The following ANXA9 variants were observed in gnomAD, a reference collection of about 807,000 sequenced individuals.
The protein encoded by ANXA9 is annexin 31.
In ANXA9, 47 loss-of-function variants were observed where a neutral mutation model predicts 51.8. That is an observed-to-expected ratio of 0.91 (90% CI 0.72 to 1.16). The LOEUF (loss-of-function observed/expected upper bound fraction) is 1.16, where lower values mean the gene tolerates loss of function less well. ANXA9 is among the 50% of genes most tolerant of loss of function. The pLI is 0.00. For synonymous variants in ANXA9, 154 were observed against 168.7 expected (o/e 0.91, Z 0.68); for missense variants, 361 against 424.7 (o/e 0.85, Z 1.32).
chr1:150,995,348 C>T lies in ANXA9; in HGVS notation c.*26C>T. ...GACTTCCCTGCCCCACCCCACATGA[C>T]ATCCGAGGATCTGAGATTTCCGTGT... On this transcript the variant is annotated 3_prime_UTR_variant, in exon 14 of 14. Transcript: ENST00000368947. The T allele has an allele frequency of 6.3e-7, 1 of 1,580,544 alleles. No homozygotes were observed. The highest frequency in any genetic ancestry group is 2.4e-5 in the East Asian group (1 of 42,522).
At chr1:150,985,431 C>T (rs1671529832) in intron 7 of ANXA9, among the ~76,000 whole-genome samples, 1 of 152,112 alleles carries the variant, frequency 6.6e-6, no homozygotes, top group East Asian at 1.9e-4. Flanking sequence ...TTTCATGTCC[C>T]TGATGGCTGG....
At chr1:150,993,633 CTTTTTTTT>C (rs35186445) in intron 12 of ANXA9, among the ~76,000 whole-genome samples, 16 of 104,188 alleles carry the variant, frequency 1.5e-4, no homozygotes, top group African/African-American at 3.1e-4. Flanking sequence ...TTCTTTCTTT[CTTTTTTTT>C]TTTTTTTTTT....
At chr1:150,979,387 CA>C (rs1218854993), upstream of ANXA9, among the ~76,000 whole-genome samples, 7 of 152,154 alleles carry the variant, frequency 4.6e-5, no homozygotes, top group South Asian at 2.1e-4. Context: ...AGCCGAGGGC[CA>C]GGGGGACCCC....
upstream of ANXA9, among the ~76,000 whole-genome samples, chr1:150,980,938 G>A (rs1317109013): frequency 6.6e-6 from 1 of 151,584 alleles, no homozygotes; most frequent in African/African-American, 2.4e-5. Context: ...ATAGTTTTTG[G>A]GGACAAGGTG....
rs1671508527 is a variant in ANXA9, at chr1:150,984,815, C to T, written c.472+139C>T. The T allele has an allele frequency of 4.7e-6, 3 of 643,146 alleles. No homozygotes were observed. In the Admixed American group the frequency reaches 8.9e-5, roughly 19 times the overall value. The allele number at this position is 643,146 out of a possible 1,614,324, so 39.8% of individuals were successfully genotyped here. A position where few individuals can be genotyped will look rare whatever the true frequency, so the allele number is the denominator to read the frequency against. ...TATTCCCTTGGGGTCTTTCCTCTTG[C>T]CCCCACCAGTGCCTCAGTCTCTCAG... is the stretch of plus-strand genomic sequence containing the variant. On this transcript the variant is annotated intron_variant, in intron 7 of 13. Coordinates refer to ENST00000368947, the MANE Select transcript of ANXA9 (RefSeq NM_003568.3).
chr1:150,982,854 G>A (rs894848838), intron 2 of ANXA9, among the ~76,000 whole-genome samples: 3 of 152,154 alleles, frequency 2.0e-5, no homozygotes, highest in Admixed American at 6.5e-5. Flanking sequence ...GGAGCATTCC[G>A]CATCAATCCC....
upstream of ANXA9, among the ~76,000 whole-genome samples, chr1:150,980,143 T>C (rs1217865180): frequency 6.6e-6 from 1 of 152,124 alleles, no homozygotes; most frequent in African/African-American, 2.4e-5. Flanking sequence ...ACGCCTGTAA[T>C]CCCAGCACTT....
intron 9 of ANXA9, 98 bp from the exon 10 acceptor site, chr1:150,987,774 C>G (rs922803434): frequency 5.3e-6 from 5 of 939,420 alleles, no homozygotes; most frequent in South Asian, 1.6e-5. Context: ...CCATTTCCAT[C>G]ATGATGATGA....
At chr1:150,984,766 C>A (rs1201835506) in intron 7 of ANXA9, 90 bp downstream of exon 7, 7 of 1,067,656 alleles carry the variant, frequency 6.6e-6, no homozygotes, top group Non-Finnish European at 9.5e-6. Context: ...GGTGAGCTAT[C>A]TGGCAACCTG....
In ANXA9 at chr1:150,994,435, C is replaced by G. The variant is rs1264147915; in HGVS notation, c.853-142C>G. 7 of 1,314,754 alleles carry G rather than the reference C, an allele frequency of 5.3e-6. No individual in the cohort carries two copies. In the Admixed American group the frequency reaches 1.6e-4, roughly 30 times the overall value. 81.4% of individuals were successfully genotyped at this position (1,314,754 alleles called of 1,614,324 possible). On this transcript the variant is annotated intron_variant, in intron 12 of 13. Coordinates refer to ENST00000368947, the MANE Select transcript of ANXA9 (RefSeq NM_003568.3). ...GAGGATGGACAAACATAACTTTTGT[C>G]CCGAGATAATGTATAATGTACACTC...
In ANXA9 at chr1:150,984,320, C is replaced by T. The variant is rs1671496067; in HGVS notation, c.307C>T (p.Leu103=). 1.2e-6 allele frequency: 2 copies of T among 1,614,156 alleles called. No homozygotes were observed. The change falls in exon 6 of 14, where the codon CTG becomes TTG. Residue 103 remains leucine (L), a synonymous_variant. Coordinates refer to ENST00000368947, the MANE Select transcript of ANXA9 (RefSeq NM_003568.3). ...TCTACAGGCAGCACTTTCCGGCAAC[C>T]TGGAGAGGATTGTGATGGCTCTGCT... The part of the protein sequence containing the change: ...KSLQAALSGN[L]ERIVMALLQP...
chr1:150,984,626 C>G lies in ANXA9; in HGVS notation c.422C>G (p.Ala141Gly), dbSNP rs763792434. The change falls in exon 7 of 14, where the codon GCC becomes GGC. Residue 141 changes from alanine (A) to glycine (G), a missense_variant. By Grantham distance (60) the Ala-to-Gly change is moderately conservative. Coordinates refer to ENST00000368947, the MANE Select transcript of ANXA9 (RefSeq NM_003568.3). ...SAVDVAIEIL[A>G]TRTPPQLQEC... ...GTGGACGTGGCCATTGAAATTCTTG[C>G]CACTCGAACCCCACCCCAGCTGCAG... The G allele has an allele frequency of 6.1e-5, 99 of 1,613,996 alleles. 1 individual carries two copies. The South Asian group carries it at 1.0e-3, about 17-fold the overall frequency.
intron 12 of ANXA9, among the ~76,000 whole-genome samples, chr1:150,991,091 C>G (rs185087237): frequency 0.041 from 6,070 of 149,648 alleles, 410 homozygotes; most frequent in African/African-American, 0.14. Flanking sequence ...TGCAGTGAGC[C>G]GAGATCGCGC....
chr1:150,987,961 A>T lies in ANXA9; in HGVS notation c.697+5A>T, dbSNP rs2102796734. The T allele has an allele frequency of 2.5e-6, 4 of 1,614,108 alleles. No individual in the cohort carries two copies. In the East Asian group the frequency reaches 8.9e-5, roughly 36 times the overall value. On this transcript the variant is annotated splice_donor_5th_base_variant and intron_variant, in intron 10 of 13. Transcript: ENST00000368947. Reference sequence around the variant, plus strand: ...ATCCTGAACACCTCATCCGAGGTACACACAAGCCTTCTTGTCCCCCTAGCT... The same window carrying T: ...ATCCTGAACACCTCATCCGAGGTACTCACAAGCCTTCTTGTCCCCCTAGCT...
In ANXA9 at chr1:150,994,623, G is replaced by A. The variant is rs201078370; in HGVS notation, c.899G>A (p.Arg300Gln). The A allele has an allele frequency of 5.9e-5, 96 of 1,613,860 alleles. No homozygotes were observed. The East Asian group carries it at 2.0e-3, about 33-fold the overall frequency. The change falls in exon 13 of 14, where the codon CGA (arginine) becomes CAA (glutamine). Residue 300 changes from arginine to glutamine, a missense_variant. Transcript: ENST00000368947. ...GTCCTGATTCGCATCCTTATCTCTC[G>A]ATGTGAGACTGACCTTCTGAGTATC... ...YQVLIRILIS[R>Q]CETDLLSIRA...
intron 12 of ANXA9, among the ~76,000 whole-genome samples, chr1:150,993,657 G>C (rs1260188328): frequency 2.5e-5 from 3 of 121,536 alleles, no homozygotes; most frequent in Non-Finnish European, 5.1e-5. Flanking sequence ...TTTTTGAGAC[G>C]GAGTTTTGCT....
At chr1:150,990,501 G>A (rs1179707131) in intron 12 of ANXA9, among the ~76,000 whole-genome samples, 1 of 152,098 alleles carries the variant, frequency 6.6e-6, no homozygotes, top group Non-Finnish European at 1.5e-5. Context: ...TAAGTAGCTG[G>A]GATTACAGGC....
intron 4 of ANXA9, 56 bp downstream of exon 4, chr1:150,983,490 A>G (rs940427564): frequency 2.4e-5 from 36 of 1,486,328 alleles, no homozygotes; most frequent in Non-Finnish European, 3.2e-5. Context: ...TCTGTAGACC[A>G]AGGAGGAGCC....
intron 7 of ANXA9, 115 bp downstream of exon 7, chr1:150,984,791 A>G: frequency 1.2e-6 from 1 of 819,132 alleles, no homozygotes; most frequent in Non-Finnish European, 1.9e-6. Context: ...CCTAAGTTCT[A>G]TTCCCTTGGG....
Sources: gnomAD v4.1 joint callset for allele counts (sites outside exome capture counted in the v4.1 genomes callset) on GRCh38, gnomAD v4.1.1 for gene constraint, MANE v1.5 for transcripts, NCBI Gene and HGNC (gene_info 2026-07-23, HGNC 2026-07-21) for gene names.